HHIP: variants seen among roughly 807,000 people sequenced by gnomAD.
HHIP encodes hedgehog interacting protein.
HHIP carries 12 observed loss-of-function variants against 74.0 expected under a neutral mutation model. The observed-to-expected ratio is 0.16, with a 90% CI of 0.10 to 0.26. The LOEUF (loss-of-function observed/expected upper bound fraction) is 0.26. Ranked by LOEUF, HHIP falls within the 10% of genes least tolerant of loss-of-function variation. HHIP has a pLI of 1.00. For synonymous variants in HHIP, 309 were observed against 311.6 expected, an observed-to-expected ratio of 0.99 and a Z score of 0.09; for missense variants, 788 against 845.0, an observed-to-expected ratio of 0.93 and a Z score of 0.84.
At chr4:144,675,130 A>G (rs918157100) in intron 4 of HHIP, among the ~76,000 whole-genome samples, 2 of 152,204 alleles carry the variant, frequency 1.3e-5, no homozygotes, top group Non-Finnish European at 2.9e-5. Flanking sequence ...AATTTTAAAT[A>G]CCATTTAATG....
At position 144,686,298 on chromosome 4, in the gene HHIP, A is replaced by AT. The variant is rs199986037; in HGVS notation, c.832-20223dup. Among the ~76,000 whole-genome samples, 304 of 150,140 alleles carry AT rather than the reference A, an allele frequency of 2.0e-3. 5 individuals carry two copies. The highest frequency in any genetic ancestry group is 5.5e-3 in the African/African-American group (227 of 40,988). On this transcript the variant is annotated intron_variant, in intron 4 of 12. Coordinates refer to ENST00000296575, the MANE Select transcript of HHIP (RefSeq NM_022475.3). Reference sequence around the variant, plus strand: ...ATGACACCAAACTTAAAGAAGAGGGATTTTTTTTTTAAGAGCCAGGAAATT... The same window carrying AT: ...ATGACACCAAACTTAAAGAAGAGGGATTTTTTTTTTTAAGAGCCAGGAAATT...
At chr4:144,668,666 C>T (rs189191571) in intron 4 of HHIP, among the ~76,000 whole-genome samples, 1 of 152,112 alleles carries the variant, frequency 6.6e-6, no homozygotes, top group African/African-American at 2.4e-5. Context: ...GTAGGAGAAT[C>T]GCTTGAACCT....
chr4:144,669,863 C>T (rs1446720379), intron 4 of HHIP, among the ~76,000 whole-genome samples: 3 of 151,778 alleles, frequency 2.0e-5, no homozygotes, highest in Non-Finnish European at 2.9e-5. Flanking sequence ...AGTAGCTAAA[C>T]TGGCTGGGTG....
At chr4:144,699,226 G>T (rs148483518) in intron 4 of HHIP, among the ~76,000 whole-genome samples, 1 of 152,196 alleles carries the variant, frequency 6.6e-6, no homozygotes, top group East Asian at 1.9e-4. Flanking sequence ...CTCATAATTC[G>T]CCTTCAGCCT....
chr4:144,647,460 T>A (rs1728299456), intron 1 of HHIP, among the ~76,000 whole-genome samples: 1 of 152,212 alleles, frequency 6.6e-6, no homozygotes, highest in African/African-American at 2.4e-5. Context: ...TGTCTTGCAT[T>A]ACATTAGTTA....
chr4:144,658,439 G>C (rs538232688), intron 2 of HHIP, among the ~76,000 whole-genome samples: 68 of 151,112 alleles, frequency 4.5e-4, no homozygotes, highest in African/African-American at 1.5e-3. Context: ...GTGTGTTCTT[G>C]GTTCGCTCCA....
chr4:144,676,509 A>G (rs934797069), intron 4 of HHIP, among the ~76,000 whole-genome samples: 1 of 152,224 alleles, frequency 6.6e-6, no homozygotes, highest in African/African-American at 2.4e-5. Context: ...TAACCATTAC[A>G]GCATGTCCCA....
intron 4 of HHIP, among the ~76,000 whole-genome samples, chr4:144,670,764 G>GAAAAAAAAAAAAAAA (rs1167213848): frequency 3.6e-5 from 2 of 54,902 alleles, no homozygotes; most frequent in African/African-American, 1.5e-4. Context: ...CTTAAGATTT[G>GAAAAAAAAAAAAAAA]AAAAAAAAAA....
At chr4:144,661,980 A>G (rs1186892873) in intron 4 of HHIP, among the ~76,000 whole-genome samples, 2 of 152,136 alleles carry the variant, frequency 1.3e-5, no homozygotes, top group African/African-American at 4.8e-5. Context: ...ACTAAACCCA[A>G]CCTCCACACG....
chr4:144,732,045 G>C (rs1275916726), intron 11 of HHIP, among the ~76,000 whole-genome samples: 1 of 152,136 alleles, frequency 6.6e-6, no homozygotes, highest in Non-Finnish European at 1.5e-5. Flanking sequence ...TGGACTTGAA[G>C]AGGATTGAGT....
At chr4:144,667,327 T>G (rs2126600615) in intron 4 of HHIP, among the ~76,000 whole-genome samples, 1 of 152,218 alleles carries the variant, frequency 6.6e-6, no homozygotes, top group South Asian at 2.1e-4. Flanking sequence ...CCAGCCTCAG[T>G]GACAGAGTCA....
chr4:144,708,371 G>T, intron 7 of HHIP, 60 bp downstream of exon 7: 1 of 1,559,386 alleles, frequency 6.4e-7, no homozygotes, highest in Non-Finnish European at 8.8e-7. Flanking sequence ...CCGAGAACTG[G>T]GAAAATATAG....
At chr4:144,690,493 T>C (rs561942537) in intron 4 of HHIP, among the ~76,000 whole-genome samples, 1 of 152,194 alleles carries the variant, frequency 6.6e-6, no homozygotes, top group African/African-American at 2.4e-5. Context: ...AGTTATTCCA[T>C]AGAAACTAGA....
chr4:144,659,454 G>T (rs1428098755), intron 3 of HHIP, among the ~76,000 whole-genome samples, 183 bp from the exon 4 acceptor site: 1 of 151,890 alleles, frequency 6.6e-6, no homozygotes, highest in African/African-American at 2.4e-5. Flanking sequence ...TTTGTTTTTT[G>T]CCATTGAAAG....
intron 11 of HHIP, among the ~76,000 whole-genome samples, chr4:144,728,990 G>GA (rs1323078670): frequency 6.6e-6 from 1 of 151,960 alleles, no homozygotes; most frequent in Non-Finnish European, 1.5e-5. Context: ...ACTGAAGAAA[G>GA]AAACACCGAT....
rs35300166 is a variant in HHIP at position 144,656,908 on chromosome 4, AT to A, written c.473-1874del. 5.0e-4 allele frequency among the ~76,000 whole-genome samples: 76 copies of A among 151,862 alleles called. 1 individual carries two copies. The highest frequency in any genetic ancestry group is 1.8e-3 in the African/African-American group (73 of 41,382). On this transcript the variant is annotated intron_variant, in intron 2 of 12. Coordinates refer to ENST00000296575, the MANE Select transcript of HHIP (RefSeq NM_022475.3). ...AGGGAAAAGTGCTTCTAATCCTTGA[AT>A]TTTTTTTCAAAGAAAAATAACTTTC...
chr4:144,715,285 A>G lies in HHIP; in HGVS notation c.1548-15A>G. The G allele has an allele frequency of 1.9e-6, 3 of 1,606,088 alleles. No individual in the cohort carries two copies. The highest frequency in any genetic ancestry group is 1.7e-6 in the Non-Finnish European group (2 of 1,174,870). On this transcript the variant is annotated splice_polypyrimidine_tract_variant and intron_variant, in intron 9 of 12. Transcript: ENST00000296575. ...TGTGTATTCATTGTAGCTTTATGGT[A>G]TGTTTCTGTTGTAGGAATTTCCTAA... is the stretch of plus-strand genomic sequence containing the variant.
chr4:144,646,509 G>T lies in HHIP; in HGVS notation c.-167G>T. ...CCCATCGCCGCGTCTTTTATTTTTT[G>T]CAAAGTTGCATCGCTGTACATATTT... On this transcript the variant is annotated 5_prime_UTR_variant, in exon 1 of 13. Coordinates refer to ENST00000296575, the MANE Select transcript of HHIP (RefSeq NM_022475.3). The T allele has an allele frequency of 4.8e-6, 3 of 624,112 alleles. No individual in the cohort carries two copies. The highest frequency in any genetic ancestry group is 2.8e-5 in the East Asian group (1 of 36,306). The allele number at this position is 624,112 out of a possible 1,614,324, so 38.7% of individuals were successfully genotyped here.
intron 4 of HHIP, among the ~76,000 whole-genome samples, chr4:144,665,743 A>C (rs1351256281): frequency 6.6e-6 from 1 of 152,180 alleles, no homozygotes; most frequent in Non-Finnish European, 1.5e-5. Flanking sequence ...AAGGCAGTTT[A>C]ATCTGTAGTT....
Sources: gnomAD v4.1 joint callset for allele counts (sites outside exome capture counted in the v4.1 genomes callset) on GRCh38, gnomAD v4.1.1 for gene constraint, MANE v1.5 for transcripts, NCBI Gene and HGNC (gene_info 2026-07-23, HGNC 2026-07-21) for gene names.